The following RHBDD1 variants were observed in gnomAD, a reference collection of about 807,000 sequenced individuals.
The protein encoded by RHBDD1 is rhomboid-related protein 4.
Under a neutral mutation model 36.3 loss-of-function variants are expected in RHBDD1, and 38 were observed. The ratio of observed to expected loss-of-function variants is 1.05; its 90% CI spans 0.81 to 1.37. The LOEUF is 1.37. Ranked by LOEUF, RHBDD1 falls within the 40% of genes most tolerant of loss-of-function variation. The pLI is 0.00. For missense variants in RHBDD1, 393 were observed against 377.6 expected (o/e 1.04, Z -0.34); for synonymous variants, 151 against 136.5 (o/e 1.11, Z -0.74).
chr2:226,820,993 A>G, the RHBDD1 span, among the ~76,000 whole-genome samples: 1,855 of 152,282 alleles, frequency 0.012, 21 homozygotes, highest in Non-Finnish European at 0.017. Flanking sequence ...CTGTTCCTCC[A>G]GGCTTCTGGT....
intron 5 of RHBDD1, among the ~76,000 whole-genome samples, chr2:226,883,515 C>G (rs1945953441): frequency 6.6e-6 from 1 of 152,218 alleles, no homozygotes; most frequent in Non-Finnish European, 1.5e-5. Flanking sequence ...AACAAGGAAG[C>G]AGCTGTTTTT....
At chr2:226,910,668 T>TA (rs138208679) in intron 7 of RHBDD1, among the ~76,000 whole-genome samples, 2,365 of 144,888 alleles carry the variant, frequency 0.016, 31 homozygotes, top group African/African-American at 0.037. Context: ...AGTATATAAC[T>TA]AAAAAAAAAA....
At chr2:226,809,994 A>G in the RHBDD1 span, among the ~76,000 whole-genome samples, 1 of 152,214 alleles carries the variant, frequency 6.6e-6, no homozygotes, top group Admixed American at 6.5e-5. Context: ...ACAATTTACT[A>G]AAGTGTAAAA....
At chr2:226,948,736 A>G (rs1476958716) in intron 8 of RHBDD1, among the ~76,000 whole-genome samples, 5 of 152,130 alleles carry the variant, frequency 3.3e-5, no homozygotes, top group Non-Finnish European at 5.9e-5. Context: ...GCAACACAAG[A>G]CAAGGTTGCC....
At position 226,942,661 on chromosome 2, in the gene RHBDD1, C is replaced by G. The variant is rs76078873; in HGVS notation, c.856+28310C>G. The G allele has an allele frequency of 5.9e-4, 104 of 177,524 alleles. 1 individual carries two copies. Among genetic ancestry groups the G allele is most frequent in the African/African-American group, 2.4e-3 (102 of 41,762 alleles). 11.0% of individuals were successfully genotyped at this position (177,524 alleles called of 1,614,324 possible). ...AGAGATAGCAATGACAATTATCTTA[C>G]TTTTGTCTTTATCTATTCATATATG... On this transcript the variant is annotated intron_variant, in intron 8 of 8. Transcript: ENST00000392062.
intron 5 of RHBDD1, among the ~76,000 whole-genome samples, chr2:226,904,632 C>G (rs1195360947): frequency 1.3e-5 from 2 of 152,164 alleles, no homozygotes; most frequent in Non-Finnish European, 2.9e-5. Flanking sequence ...AGCATCAATG[C>G]TGTTCTCTTT....
intron 3 of RHBDD1, 134 bp from the exon 4 acceptor site, chr2:226,864,470 A>T: frequency 3.7e-6 from 2 of 541,158 alleles, no homozygotes; most frequent in East Asian, 6.0e-5. Context: ...TTACTCTTGA[A>T]GATGTCGAAC....
At chr2:226,995,345 T>C (rs1959154828) in intron 8 of RHBDD1, 86 bp from the exon 9 acceptor site, 5 of 789,516 alleles carry the variant, frequency 6.3e-6, no homozygotes, top group Non-Finnish European at 1.1e-5. Context: ...ACACCCAAGC[T>C]ATCACTTTGT....
At chr2:226,871,924 C>G (rs1944829265) in intron 5 of RHBDD1, among the ~76,000 whole-genome samples, 1 of 152,184 alleles carries the variant, frequency 6.6e-6, no homozygotes, top group African/African-American at 2.4e-5. Context: ...TTAGCAAGTA[C>G]TATATGAGGT....
intron 8 of RHBDD1, among the ~76,000 whole-genome samples, chr2:226,950,685 G>T (rs1380708824): frequency 6.6e-6 from 1 of 152,156 alleles, no homozygotes; most frequent in African/African-American, 2.4e-5. Flanking sequence ...TAACAAGTGT[G>T]AGGTAGGTGA....
chr2:226,912,379 A>G (rs7592387), intron 7 of RHBDD1, among the ~76,000 whole-genome samples: 66,298 of 151,890 alleles, frequency 0.44, 14,631 homozygotes, highest in South Asian at 0.5. Context: ...ATGAAACCAT[A>G]TGTCCACCTA....
the RHBDD1 span, among the ~76,000 whole-genome samples, chr2:226,812,647 CT>C: frequency 1.6e-4 from 24 of 150,392 alleles, no homozygotes; most frequent in East Asian, 5.9e-4. Context: ...CTCTCTCTCT[CT>C]TTTTTTTTGG....
intron 3 of RHBDD1, among the ~76,000 whole-genome samples, chr2:226,862,357 T>A (rs2125201502): frequency 6.6e-6 from 1 of 151,590 alleles, no homozygotes; most frequent in South Asian, 2.1e-4. Flanking sequence ...TCCTGCCTTT[T>A]TTTTTTTTTT....
At chr2:226,954,572 A>T (rs1377990349) in intron 8 of RHBDD1, among the ~76,000 whole-genome samples, 1 of 152,132 alleles carries the variant, frequency 6.6e-6, no homozygotes. Context: ...ATTAAATATC[A>T]TTGCCCACTG....
At chr2:226,815,493 A>G in the RHBDD1 span, among the ~76,000 whole-genome samples, 1 of 152,228 alleles carries the variant, frequency 6.6e-6, no homozygotes. Flanking sequence ...AACTGTAAAA[A>G]TACATTGAAT....
At chr2:226,855,174 T>C (rs114142739) in intron 3 of RHBDD1, among the ~76,000 whole-genome samples, 469 of 152,270 alleles carry the variant, frequency 3.1e-3, no homozygotes, top group African/African-American at 0.011. Context: ...AGATGGTGTA[T>C]GAAGGAAAAA....
chr2:226,815,554 T>C, the RHBDD1 span, among the ~76,000 whole-genome samples: 1 of 152,228 alleles, frequency 6.6e-6, no homozygotes, highest in African/African-American at 2.4e-5. Flanking sequence ...TAGACAGTTT[T>C]ATATTGTATT....
At chr2:226,954,853 G>C (rs1424549897) in intron 8 of RHBDD1, among the ~76,000 whole-genome samples, 1 of 151,846 alleles carries the variant, frequency 6.6e-6, no homozygotes, top group African/African-American at 2.4e-5. Context: ...AGGAGTGAAG[G>C]GGGGCAGTGC....
At chr2:226,888,252 C>A (rs1266892391) in intron 5 of RHBDD1, among the ~76,000 whole-genome samples, 1 of 152,138 alleles carries the variant, frequency 6.6e-6, no homozygotes, top group Non-Finnish European at 1.5e-5. Flanking sequence ...AAGCCCTCGA[C>A]AAACGGATGC....
Sources: allele counts gnomAD v4.1 joint callset (sites outside exome capture counted in the v4.1 genomes callset), GRCh38; gene constraint gnomAD v4.1.1; transcripts MANE v1.5; gene names NCBI Gene and HGNC (gene_info 2026-07-23, HGNC 2026-07-21).